Variants in AFG1L observed in about 807,000 individuals in gnomAD.
AFG1L encodes AFG1-like ATPase.
A neutral mutation model predicts 62.2 loss-of-function variants in AFG1L; 53 were observed. The observed-to-expected ratio is 0.85, with a 90% CI of 0.68 to 1.07. The LOEUF is 1.07. Ranked by LOEUF, AFG1L falls within the 50% of genes least tolerant of loss-of-function variation. The pLI, the probability that AFG1L is intolerant of heterozygous loss-of-function variation, is 0.00. For synonymous variants in AFG1L, 228 were observed against 210.3 expected (o/e 1.08, Z -0.73); for missense variants, 555 against 590.5 (o/e 0.94, Z 0.62).
intron 2 of AFG1L, among the ~76,000 whole-genome samples, chr6:108,335,522 C>G (rs1778444111): frequency 6.6e-6 from 1 of 152,218 alleles, no homozygotes; most frequent in African/African-American, 2.4e-5. Flanking sequence ...CAGTTTTTAG[C>G]TAACCCTGAA....
chr6:108,364,864 C>CAAAAAAAA (rs1562110488), intron 5 of AFG1L, among the ~76,000 whole-genome samples: 2 of 84,300 alleles, frequency 2.4e-5, no homozygotes, highest in African/African-American at 7.5e-5. Context: ...CCTGAGACAG[C>CAAAAAAAA]CAAAAAAAAA....
intron 1 of AFG1L, among the ~76,000 whole-genome samples, chr6:108,307,012 T>C (rs1777223685): frequency 6.6e-6 from 1 of 152,018 alleles, no homozygotes; most frequent in Admixed American, 6.6e-5. Context: ...TTTTTTTTCT[T>C]TCTTTTTTTT....
rs937876944 is a variant in AFG1L, at chr6:108,368,070, T to C, written c.748+1738T>C. Among the ~76,000 whole-genome samples the C allele has an allele frequency of 2.0e-5, 3 of 152,324 alleles. No individual in the cohort carries two copies. In the East Asian group the frequency reaches 5.8e-4, roughly 29 times the overall value. On this transcript the variant is annotated intron_variant, in intron 6 of 12. Coordinates refer to ENST00000368977, the MANE Select transcript of AFG1L (RefSeq NM_145315.5). ...AGGTCTCTCTCATTCTATGTTTGTGTAGTGGATTTCTTTTTCTTCTATTAC... is the reference window on the plus strand; with the variant it reads ...AGGTCTCTCTCATTCTATGTTTGTGCAGTGGATTTCTTTTTCTTCTATTAC...
chr6:108,404,707 A>G (rs1311049486), intron 7 of AFG1L, among the ~76,000 whole-genome samples: 1 of 151,884 alleles, frequency 6.6e-6, no homozygotes, highest in Non-Finnish European at 1.5e-5. Flanking sequence ...TTGCATACAG[A>G]TTTATAATAA....
chr6:108,472,047 A>T (rs1562181838), intron 8 of AFG1L, among the ~76,000 whole-genome samples: 1 of 152,230 alleles, frequency 6.6e-6, no homozygotes, highest in East Asian at 1.9e-4. Flanking sequence ...AACAACATGG[A>T]TAAAACTGGA....
chr6:108,435,320 T>G (rs1582583157), intron 7 of AFG1L, among the ~76,000 whole-genome samples: 1 of 152,184 alleles, frequency 6.6e-6, no homozygotes, highest in African/African-American at 2.4e-5. Context: ...TGGGAACCAC[T>G]GGGTGTATCT....
chr6:108,443,603 G>A (rs1385355096), intron 7 of AFG1L, among the ~76,000 whole-genome samples: 2 of 152,170 alleles, frequency 1.3e-5, no homozygotes. Flanking sequence ...GACTGGGCGT[G>A]GTAGCTCATG....
chr6:108,517,953 G>A lies in AFG1L; in HGVS notation c.1204-1744G>A, dbSNP rs551286945. On this transcript the variant is annotated intron_variant, in intron 11 of 12. Transcript: ENST00000368977. ...GAAATGCAAATCAAAACCACAATGA[G>A]ATACCATCTCACACCAGTTAGAATG... Among the ~76,000 whole-genome samples the A allele has an allele frequency of 6.7e-3, 1,026 of 152,296 alleles. 32 individuals are homozygous for A. The highest frequency in any genetic ancestry group is 0.056 in the Admixed American group (857 of 15,298).
chr6:108,302,541 T>C (rs1777047569), intron 1 of AFG1L, among the ~76,000 whole-genome samples: 1 of 152,082 alleles, frequency 6.6e-6, no homozygotes, highest in Admixed American at 6.5e-5. Flanking sequence ...ACCTCTTCTC[T>C]TGAGGTTCCG....
intron 6 of AFG1L, among the ~76,000 whole-genome samples, chr6:108,392,861 A>G (rs948812321): frequency 6.6e-6 from 1 of 152,122 alleles, no homozygotes; most frequent in African/African-American, 2.4e-5. Context: ...CGATATGTAT[A>G]TATATAAATA....
At chr6:108,445,352 T>C (rs947244093) in intron 7 of AFG1L, among the ~76,000 whole-genome samples, 6 of 152,242 alleles carry the variant, frequency 3.9e-5, no homozygotes, top group Non-Finnish European at 7.3e-5. Flanking sequence ...TTTTGCTTTC[T>C]TGTGGTTCAT....
At chr6:108,339,965 T>G (rs754910130) in intron 2 of AFG1L, among the ~76,000 whole-genome samples, 5 of 152,154 alleles carry the variant, frequency 3.3e-5, no homozygotes, top group Admixed American at 6.6e-5. Flanking sequence ...AGTCATTCTG[T>G]TGTGCTATCA....
chr6:108,374,746 GT>G (rs1426121645), intron 6 of AFG1L, among the ~76,000 whole-genome samples: 1 of 152,156 alleles, frequency 6.6e-6, no homozygotes, highest in Non-Finnish European at 1.5e-5. Context: ...TTATGGTATA[GT>G]TTGAAGTTGG....
intron 2 of AFG1L, among the ~76,000 whole-genome samples, chr6:108,340,686 G>T (rs1326997562): frequency 3.3e-5 from 5 of 152,118 alleles, no homozygotes; most frequent in African/African-American, 1.2e-4. Flanking sequence ...AAGAGAAGAG[G>T]AATTTAATGT....
intron 10 of AFG1L, among the ~76,000 whole-genome samples, chr6:108,489,570 A>G (rs973123364): frequency 1.6e-4 from 24 of 152,228 alleles, no homozygotes; most frequent in African/African-American, 5.8e-4. Context: ...CAGAGTATGG[A>G]CTGGATTTCA....
At chr6:108,501,318 T>C (rs1774191759) in intron 10 of AFG1L, among the ~76,000 whole-genome samples, 1 of 152,164 alleles carries the variant, frequency 6.6e-6, no homozygotes, top group South Asian at 2.1e-4. Context: ...ATAGTTACCA[T>C]CTATGTGAAC....
At chr6:108,451,869 CA>C (rs1772070765) in intron 8 of AFG1L, among the ~76,000 whole-genome samples, 2 of 152,134 alleles carry the variant, frequency 1.3e-5, no homozygotes, top group East Asian at 3.9e-4. Context: ...CACACGCCAC[CA>C]CACCCGGCTA....
At chr6:108,515,768 A>G (rs960666865) in intron 11 of AFG1L, among the ~76,000 whole-genome samples, 4 of 152,186 alleles carry the variant, frequency 2.6e-5, no homozygotes, top group African/African-American at 9.7e-5. Context: ...ACTAATAAAG[A>G]AGAAAAGAGA....
At chr6:108,420,527 A>T (rs1391092066) in intron 7 of AFG1L, among the ~76,000 whole-genome samples, 2 of 151,228 alleles carry the variant, frequency 1.3e-5, no homozygotes, top group South Asian at 2.1e-4. Context: ...TTTTATTTGT[A>T]ATGGTGTTTT....
Sources: allele counts gnomAD v4.1 joint callset (sites outside exome capture counted in the v4.1 genomes callset), GRCh38; gene constraint gnomAD v4.1.1; transcripts MANE v1.5; gene names NCBI Gene and HGNC (gene_info 2026-07-23, HGNC 2026-07-21).